The following IREB2 variants were observed in gnomAD, a reference collection of about 807,000 sequenced individuals.
IREB2 encodes iron-responsive element-binding protein 2.
In IREB2, 39 loss-of-function variants were observed where a neutral mutation model predicts 118.8. The ratio of observed to expected loss-of-function variants is 0.33; its 90% CI spans 0.25 to 0.43. The LOEUF (loss-of-function observed/expected upper bound fraction) is 0.43, where lower values mean the gene tolerates loss of function less well. IREB2 is among the 20% of genes least tolerant of loss of function. The pLI, the probability that IREB2 is intolerant of heterozygous loss-of-function variation, is 1.00. For synonymous variants in IREB2, 372 were observed against 392.2 expected (o/e 0.95, Z 0.61); for missense variants, 900 against 1,147.3 (o/e 0.78, Z 3.11).
chr15:78,478,376 A>T lies in IREB2; in HGVS notation c.1275A>T (p.Ser425=). Residue 425 remains serine (S), a synonymous_variant, in exon 10 of 22, where the codon TCA becomes TCT. Transcript: ENST00000258886. ...VKLFRNDQNS[S]GEPEYSQVIQ... Reference sequence around the variant, plus strand: ...TGTTTCGAAATGACCAGAATTCTTCAGGAGAACCTGAATACTCCCAGGTAT... The same window carrying T: ...TGTTTCGAAATGACCAGAATTCTTCTGGAGAACCTGAATACTCCCAGGTAT... 1 of 1,605,072 alleles carries T rather than the reference A, an allele frequency of 6.2e-7. No individual in the cohort carries two copies. Among genetic ancestry groups the T allele is most frequent in the Non-Finnish European group, 8.5e-7 (1 of 1,171,764 alleles).
chr15:78,474,528 T>TTA (rs1444449903), intron 8 of IREB2: 1 of 152,250 alleles, frequency 6.6e-6, no homozygotes, highest in Non-Finnish European at 1.5e-5. Context: ...ACGCTGCTTT[T>TTA]TAGCCTTCTC....
At chr15:78,440,317 C>T (rs528526146) in intron 2 of IREB2, among the ~76,000 whole-genome samples, 101 of 151,972 alleles carry the variant, frequency 6.6e-4, no homozygotes, top group Admixed American at 6.6e-3. Context: ...ACCTGACTGA[C>T]TGATGATAAT....
intron 2 of IREB2, among the ~76,000 whole-genome samples, chr15:78,456,964 C>T (rs930496926): frequency 4.6e-5 from 7 of 152,088 alleles, no homozygotes; most frequent in African/African-American, 1.7e-4. Context: ...GGTAATTTGG[C>T]ACTTCTTCTG....
At chr15:78,475,164 C>G (rs183585740) in intron 8 of IREB2, 1 of 151,528 alleles carries the variant, frequency 6.6e-6, no homozygotes, top group Admixed American at 6.6e-5. Flanking sequence ...TAAGTGATCC[C>G]TGGCACTTAT....
At chr15:78,467,434 G>A (rs1218163061) in intron 5 of IREB2, among the ~76,000 whole-genome samples, 1 of 152,188 alleles carries the variant, frequency 6.6e-6, no homozygotes, top group African/African-American at 2.4e-5. Flanking sequence ...GCGCATGCCT[G>A]GAATTCCAGC....
rs1354137676 is a variant in IREB2 at position 78,498,766 on chromosome 15, T to C, written c.*623T>C. ...ATCCAGCCAAGGTTCCCTCCACATA[T>C]GAAGATGGACCATGGCAGGATACAA... On this transcript the variant is annotated 3_prime_UTR_variant, in exon 22 of 22. Transcript: ENST00000258886. The C allele has an allele frequency of 1.3e-5, 2 of 152,240 alleles. No individual in the cohort carries two copies. The highest frequency in any genetic ancestry group is 2.4e-5 in the African/African-American group (1 of 41,438). The allele number at this position is 152,240 out of a possible 1,614,324, so 9.4% of individuals were successfully genotyped here.
At chr15:78,445,090 G>A (rs532742422) in intron 2 of IREB2, among the ~76,000 whole-genome samples, 6 of 151,252 alleles carry the variant, frequency 4.0e-5, no homozygotes, top group South Asian at 4.2e-4. Context: ...CCCATCACAC[G>A]CTTTTATTTT....
rs188314647 is a variant in IREB2 at position 78,475,285 on chromosome 15, A to G, written c.1024-903A>G. The G allele has an allele frequency of 3.6e-3, 550 of 152,240 alleles. 3 individuals carry two copies. Among genetic ancestry groups the G allele is most frequent in the African/African-American group, 0.013 (534 of 41,556 alleles). The allele number at this position is 152,240 out of a possible 1,614,324, so 9.4% of individuals were successfully genotyped here. ...GAGACCATTTTACAATTTAGAAAAG[A>G]CAAATAACTGGTTGGGTTACTTGAT... On this transcript the variant is annotated intron_variant, in intron 8 of 21. Transcript: ENST00000258886.
intron 5 of IREB2, among the ~76,000 whole-genome samples, chr15:78,468,493 C>A (rs998910973): frequency 6.6e-6 from 1 of 151,122 alleles, no homozygotes; most frequent in African/African-American, 2.4e-5. Flanking sequence ...GTCATCCCAC[C>A]TTGGCCTCGC....
intron 2 of IREB2, among the ~76,000 whole-genome samples, chr15:78,451,493 C>T (rs1439541710): frequency 6.6e-6 from 1 of 152,056 alleles, no homozygotes; most frequent in Non-Finnish European, 1.5e-5. Context: ...TAAGACTTGA[C>T]CTCAGCAGTT....
chr15:78,438,131 T>G, upstream of IREB2: 1 of 569,616 alleles, frequency 1.8e-6, no homozygotes, highest in Non-Finnish European at 3.2e-6. Context: ...TTTGTTTTCC[T>G]GTCCGACGAT....
intron 1 of IREB2, chr15:78,438,760 C>T (rs116845104): frequency 1.1e-4 from 32 of 283,518 alleles, no homozygotes; most frequent in Non-Finnish European, 2.1e-4. Flanking sequence ...GTTCGGGTCT[C>T]ACGCAGCTAG....
intron 2 of IREB2, among the ~76,000 whole-genome samples, chr15:78,449,037 T>C (rs1485123697): frequency 6.6e-6 from 1 of 152,210 alleles, no homozygotes; most frequent in African/African-American, 2.4e-5. Context: ...TAGTTTTAAA[T>C]CTGTTGTGTA....
chr15:78,486,706 A>G (rs113727781), intron 13 of IREB2, among the ~76,000 whole-genome samples: 28 of 152,132 alleles, frequency 1.8e-4, no homozygotes, highest in East Asian at 7.7e-4. Context: ...GTCTTGCTCT[A>G]TTGCCCACAC....
Position 78,438,578 on chromosome 15 carries a change from G to T in IREB2, c.19+222G>T, listed in dbSNP as rs184093655. 4.5e-4 allele frequency: 257 copies of T among 570,504 alleles called. No homozygotes were observed. In the East Asian group the frequency reaches 6.0e-3, roughly 13 times the overall value. The allele number at this position is 570,504 out of a possible 1,614,324, so 35.3% of individuals were successfully genotyped here. ...CCCTCCTGCGCGACACCCGCAGGGC[G>T]GGCCACCCCACCGCTGGCCTTGACC... On this transcript the variant is annotated intron_variant, in intron 1 of 21. Transcript: ENST00000258886.
rs185337808 is a variant in IREB2 at position 78,477,912 on chromosome 15, C to A, written c.1196-385C>A. ...CTCCAGCCTAGGTGACACAGTGAGA[C>A]CCTGTTTCTAAAAATAATAAATTTA... On this transcript the variant is annotated intron_variant, in intron 9 of 21. Coordinates refer to ENST00000258886, the MANE Select transcript of IREB2 (RefSeq NM_004136.4). 4.0e-3 allele frequency among the ~76,000 whole-genome samples: 602 copies of A among 151,996 alleles called. 3 individuals are homozygous for A. The highest frequency in any genetic ancestry group is 5.5e-3 in the Non-Finnish European group (372 of 67,972).
At chr15:78,455,170 A>C (rs2051086227) in intron 2 of IREB2, among the ~76,000 whole-genome samples, 1 of 152,172 alleles carries the variant, frequency 6.6e-6, no homozygotes, top group Admixed American at 6.5e-5. Context: ...AACCACATTG[A>C]CCCTAACTGC....
At chr15:78,488,601 CAG>C in intron 15 of IREB2, 44 bp from the exon 16 acceptor site, 1 of 1,552,904 alleles carries the variant, frequency 6.4e-7, no homozygotes, top group Non-Finnish European at 8.7e-7. Flanking sequence ...TGAACATTTT[CAG>C]AGTTATTTTT....
At chr15:78,450,601 T>C (rs2051006846) in intron 2 of IREB2, among the ~76,000 whole-genome samples, 1 of 152,164 alleles carries the variant, frequency 6.6e-6, no homozygotes, top group Admixed American at 6.5e-5. Flanking sequence ...CAAGAGCCCT[T>C]CAGAGCTCAT....
Sources: gnomAD v4.1 joint callset for allele counts (sites outside exome capture counted in the v4.1 genomes callset) on GRCh38, gnomAD v4.1.1 for gene constraint, MANE v1.5 for transcripts, NCBI Gene and HGNC (gene_info 2026-07-23, HGNC 2026-07-21) for gene names.